GALNTL6: variants seen among roughly 807,000 people sequenced by gnomAD.
GALNTL6 encodes the protein polypeptide N-acetylgalactosaminyltransferase-like 6.
GALNTL6 carries 46 observed loss-of-function variants against 73.7 expected under a neutral mutation model. The ratio of observed to expected loss-of-function variants is 0.62; its 90% CI spans 0.49 to 0.80. The LOEUF (loss-of-function observed/expected upper bound fraction) is 0.80, where lower values mean the gene tolerates loss of function less well. GALNTL6 is among the 30% of genes least tolerant of loss of function. The pLI is 0.00. For synonymous variants in GALNTL6, 259 were observed against 263.7 expected (o/e 0.98, Z 0.17); for missense variants, 604 against 755.0 (o/e 0.80, Z 2.34).
chr4:172,299,437 C>G (rs1739820401), intron 3 of GALNTL6, among the ~76,000 whole-genome samples: 1 of 152,138 alleles, frequency 6.6e-6, no homozygotes. Flanking sequence ...TCTTGCTTCT[C>G]TAGTTCTTTT....
In GALNTL6 at chr4:171,818,068, C is replaced by T. The variant is rs72980177; in HGVS notation, c.138+3350C>T. Among the ~76,000 whole-genome samples the T allele has an allele frequency of 6.8e-3, 1,035 of 151,402 alleles. 9 individuals are homozygous for T. The highest frequency in any genetic ancestry group is 0.023 in the African/African-American group (970 of 41,418). Reference sequence around the variant, plus strand: ...AAGAATCTACTGATAATATATTTAGCTGAGAATGATTGCTATATAGTCATT... The same window carrying T: ...AAGAATCTACTGATAATATATTTAGTTGAGAATGATTGCTATATAGTCATT... On this transcript the variant is annotated intron_variant, in intron 2 of 12. Transcript: ENST00000506823.
rs1231198323 is a variant in GALNTL6 at position 172,304,544 on chromosome 4, A to T, written c.248-7070A>T. Among the ~76,000 whole-genome samples, 17 of 152,306 alleles carry T rather than the reference A, an allele frequency of 1.1e-4. No homozygotes were observed. In the East Asian group the frequency reaches 3.3e-3, roughly 29 times the overall value. ...TTTGAGCAGAGGTCTGGCTATAAAAATTCTTGAGTGTTTCAGCTGCTTATT... is the reference window on the plus strand; with the variant it reads ...TTTGAGCAGAGGTCTGGCTATAAAATTTCTTGAGTGTTTCAGCTGCTTATT... On this transcript the variant is annotated intron_variant, in intron 3 of 12. Transcript: ENST00000506823.
In GALNTL6 at chr4:171,971,216, G is replaced by A. The variant is rs150242293; in HGVS notation, c.138+156498G>A. Among the ~76,000 whole-genome samples, 766 of 152,282 alleles carry A rather than the reference G, an allele frequency of 5.0e-3. 8 individuals carry two copies. The highest frequency in any genetic ancestry group is 0.018 in the African/African-American group (735 of 41,558). ...ATGAAAATGCCATAATTATCCTGAT[G>A]CCACCATTCCCGATCCTCCCACTCC... On this transcript the variant is annotated intron_variant, in intron 2 of 12. Transcript: ENST00000506823.
At chr4:171,824,077 T>TCTATATATATA (rs1734757504) in intron 2 of GALNTL6, among the ~76,000 whole-genome samples, 1 of 129,218 alleles carries the variant, frequency 7.7e-6, no homozygotes. Context: ...CAAATCCATT[T>TCTATATATATA]TATATATATA....
chr4:172,358,119 G>A (rs1268974311), intron 5 of GALNTL6, among the ~76,000 whole-genome samples: 2 of 152,108 alleles, frequency 1.3e-5, no homozygotes, highest in African/African-American at 4.8e-5. Context: ...AGACTCATGA[G>A]ATAAGTAGAA....
At chr4:171,936,839 T>A (rs1738363813) in intron 2 of GALNTL6, among the ~76,000 whole-genome samples, 1 of 152,140 alleles carries the variant, frequency 6.6e-6, no homozygotes, top group Admixed American at 6.5e-5. Context: ...AAGAAAAATA[T>A]ACGTTAAGCC....
Position 172,612,333 on chromosome 4 carries a change from G to C in GALNTL6, c.554-197028G>C, listed in dbSNP as rs572030039. Among the ~76,000 whole-genome samples the C allele has an allele frequency of 2.6e-5, 4 of 152,190 alleles. No individual in the cohort carries two copies. In the East Asian group the frequency reaches 7.7e-4, roughly 29 times the overall value. On this transcript the variant is annotated intron_variant, in intron 5 of 12. Coordinates refer to ENST00000506823, the MANE Select transcript of GALNTL6 (RefSeq NM_001034845.3). ...ATGATGCAGATGATCTGATAAAGAA[G>C]GACCTAGGAAAAGATGGATTTATGT...
chr4:171,973,267 C>T (rs1434808520), intron 2 of GALNTL6, among the ~76,000 whole-genome samples: 1 of 152,164 alleles, frequency 6.6e-6, no homozygotes, highest in Non-Finnish European at 1.5e-5. Flanking sequence ...GGGCGTGTAT[C>T]AGTTTGCTAG....
chr4:172,609,196 G>A (rs1266603886), intron 5 of GALNTL6, among the ~76,000 whole-genome samples: 1 of 152,138 alleles, frequency 6.6e-6, no homozygotes, highest in East Asian at 1.9e-4. Flanking sequence ...TAGGAGTAGT[G>A]AGAGTGGGCA....
intron 10 of GALNTL6, among the ~76,000 whole-genome samples, chr4:172,996,117 A>T (rs1751766567): frequency 6.6e-6 from 1 of 152,076 alleles, no homozygotes; most frequent in South Asian, 2.1e-4. Flanking sequence ...AAAGACATGG[A>T]ATCTATCTAA....
In GALNTL6 at chr4:172,087,444, C is replaced by CAAAAAAAAAA. The variant is rs70941381; in HGVS notation, c.139-142207_139-142198dup. 5.0e-5 allele frequency among the ~76,000 whole-genome samples: 5 copies of CAAAAAAAAAA among 100,446 alleles called. 1 individual carries two copies. The highest frequency in any genetic ancestry group is 2.9e-4 in the South Asian group (1 of 3,468). 65.9% of individuals were successfully genotyped at this position (100,446 alleles called of 152,430 possible). On this transcript the variant is annotated intron_variant, in intron 2 of 12. Transcript: ENST00000506823. ...TGGGCAACAGAGTTAGACTCCATCC[C>CAAAAAAAAAA]AAAAAAAAAAAAAACAAAAAAAACA...
At chr4:171,881,451 T>G (rs1440738604) in intron 2 of GALNTL6, among the ~76,000 whole-genome samples, 1 of 152,036 alleles carries the variant, frequency 6.6e-6, no homozygotes, top group Non-Finnish European at 1.5e-5. Flanking sequence ...GTCTCTCTCT[T>G]TTTCATGTTT....
intron 5 of GALNTL6, among the ~76,000 whole-genome samples, chr4:172,625,210 C>A (rs1197575453): frequency 1.3e-5 from 2 of 151,894 alleles, no homozygotes; most frequent in East Asian, 1.9e-4. Flanking sequence ...CTTTTACTAC[C>A]CTTGACCTCA....
intron 2 of GALNTL6, among the ~76,000 whole-genome samples, chr4:172,018,521 T>C (rs1226916492): frequency 3.9e-5 from 6 of 151,926 alleles, no homozygotes; most frequent in Non-Finnish European, 7.4e-5. Flanking sequence ...CTCACCCAGC[T>C]CCCACACAGT....
At chr4:172,421,984 A>G (rs1039830465) in intron 5 of GALNTL6, among the ~76,000 whole-genome samples, 1 of 152,090 alleles carries the variant, frequency 6.6e-6, no homozygotes, top group Non-Finnish European at 1.5e-5. Flanking sequence ...GATGTCCTCA[A>G]ATGCACTTCT....
intron 5 of GALNTL6, among the ~76,000 whole-genome samples, chr4:172,780,890 A>G (rs1238395205): frequency 3.3e-5 from 5 of 152,192 alleles, no homozygotes; most frequent in East Asian, 1.9e-4. Flanking sequence ...TCAGAGCTAC[A>G]ATGCTGCTCA....
intron 5 of GALNTL6, among the ~76,000 whole-genome samples, chr4:172,577,707 G>A (rs963010887): frequency 6.6e-6 from 1 of 152,104 alleles, no homozygotes; most frequent in Non-Finnish European, 1.5e-5. Flanking sequence ...GGTAAGCACT[G>A]CTGCTTTCTC....
chr4:172,246,248 G>T (rs1737652565), intron 3 of GALNTL6, among the ~76,000 whole-genome samples: 1 of 152,060 alleles, frequency 6.6e-6, no homozygotes, highest in African/African-American at 2.4e-5. Flanking sequence ...GAGCCTTAGG[G>T]ATCCAATTTT....
At position 172,206,737 on chromosome 4, in the gene GALNTL6, A is replaced by G. The variant is rs72998345; in HGVS notation, c.139-22919A>G. ...CAAAGTCCCTGAGTCTGGGAACAAA[A>G]TTTTAGAACAGAATGCATATCAGAG... On this transcript the variant is annotated intron_variant, in intron 2 of 12. Coordinates refer to ENST00000506823, the MANE Select transcript of GALNTL6 (RefSeq NM_001034845.3). Among the ~76,000 whole-genome samples, 498 of 151,306 alleles carry G rather than the reference A, an allele frequency of 3.3e-3. 4 individuals are homozygous for G. Among genetic ancestry groups the G allele is most frequent in the African/African-American group, 0.011 (463 of 41,270 alleles).
Sources: allele counts gnomAD v4.1 joint callset (sites outside exome capture counted in the v4.1 genomes callset), GRCh38; gene constraint gnomAD v4.1.1; transcripts MANE v1.5; gene names NCBI Gene and HGNC (gene_info 2026-07-23, HGNC 2026-07-21).